LRMDA: variants seen among roughly 807,000 people sequenced by gnomAD.
LRMDA encodes leucine rich melanocyte differentiation associated.
A neutral mutation model predicts 29.8 loss-of-function variants in LRMDA; 18 were observed. The ratio of observed to expected loss-of-function variants is 0.60; its 90% CI spans 0.42 to 0.90. LRMDA has a LOEUF of 0.90. Among genes scored for constraint, LRMDA ranks in the 40% least tolerant of loss-of-function variants. The pLI is 0.00. For synonymous variants in LRMDA, 125 were observed against 109.4 expected (o/e 1.14, Z -0.89); for missense variants, 273 against 273.9 (o/e 1.00, Z 0.02).
At chr10:75,678,082 A>G (rs1025959031) in intron 2 of LRMDA, among the ~76,000 whole-genome samples, 1 of 152,210 alleles carries the variant, frequency 6.6e-6, no homozygotes. Context: ...ACTCATTCAC[A>G]CAGAAATATT....
intron 5 of LRMDA, among the ~76,000 whole-genome samples, chr10:76,298,607 C>T (rs1288013416): frequency 6.6e-6 from 1 of 152,172 alleles, no homozygotes; most frequent in African/African-American, 2.4e-5. Flanking sequence ...CCGTGCAACC[C>T]TAAGAGGCCT....
In LRMDA at chr10:76,530,891, T is replaced by C. The variant is rs1257362676; in HGVS notation, c.602-26318T>C. Among the ~76,000 whole-genome samples the C allele has an allele frequency of 2.6e-5, 4 of 152,318 alleles. No homozygotes were observed. In the East Asian group the frequency reaches 7.7e-4, roughly 29 times the overall value. On this transcript the variant is annotated intron_variant, in intron 6 of 6. Coordinates refer to ENST00000611255, the MANE Select transcript of LRMDA (RefSeq NM_001305581.2). ...GAAGGGCTAAAGGAGATTTTCAGAA[T>C]GTGCCATGCTTCTGGGGACAATTGG...
chr10:76,294,227 A>G (rs1052810004), intron 5 of LRMDA, among the ~76,000 whole-genome samples: 1 of 152,202 alleles, frequency 6.6e-6, no homozygotes. Flanking sequence ...TCCAAGAGCA[A>G]TAGGTTCACT....
chr10:75,826,146 C>T (rs1028623459), intron 2 of LRMDA, among the ~76,000 whole-genome samples: 6 of 152,118 alleles, frequency 3.9e-5, no homozygotes, highest in African/African-American at 1.4e-4. Flanking sequence ...TTGCTTAATC[C>T]TACTGTGATT....
chr10:76,427,863 A>C (rs555896635), intron 6 of LRMDA, among the ~76,000 whole-genome samples: 1 of 152,136 alleles, frequency 6.6e-6, no homozygotes, highest in Admixed American at 6.5e-5. Flanking sequence ...TGAGATAATC[A>C]TGTGGTGTTT....
At chr10:76,059,227 G>A (rs770310589) in intron 5 of LRMDA, among the ~76,000 whole-genome samples, 1 of 152,140 alleles carries the variant, frequency 6.6e-6, no homozygotes, top group Non-Finnish European at 1.5e-5. Context: ...AGGGCTCCAC[G>A]GCCCTCTGAG....
chr10:76,267,060 T>C (rs1267194915), intron 5 of LRMDA, among the ~76,000 whole-genome samples: 1 of 152,104 alleles, frequency 6.6e-6, no homozygotes, highest in Non-Finnish European at 1.5e-5. Context: ...CATGCCTCCT[T>C]CTATAGGGAC....
At chr10:75,814,791 T>G (rs988070426) in intron 2 of LRMDA, among the ~76,000 whole-genome samples, 1 of 152,226 alleles carries the variant, frequency 6.6e-6, no homozygotes, top group Non-Finnish European at 1.5e-5. Flanking sequence ...AGATGCGTGT[T>G]AGAAATGATG....
At chr10:76,019,822 A>C (rs1024274801) in intron 2 of LRMDA, among the ~76,000 whole-genome samples, 14 of 152,336 alleles carry the variant, frequency 9.2e-5, no homozygotes, top group African/African-American at 3.1e-4. Context: ...CTTTTACTGC[A>C]GTAGATATAG....
chr10:75,936,047 G>A (rs371118704), intron 2 of LRMDA, among the ~76,000 whole-genome samples: 2 of 152,068 alleles, frequency 1.3e-5, no homozygotes, highest in East Asian at 3.9e-4. Flanking sequence ...ATAAGTGAGA[G>A]GCAGTGAGCT....
At position 75,894,456 on chromosome 10, in the gene LRMDA, T is replaced by C. The variant is rs1188029708; in HGVS notation, c.132-141552T>C. Among the ~76,000 whole-genome samples the C allele has an allele frequency of 5.9e-5, 9 of 152,216 alleles. No homozygotes were observed. The East Asian group carries it at 1.7e-3, about 29-fold the overall frequency. On this transcript the variant is annotated intron_variant, in intron 2 of 6. Coordinates refer to ENST00000611255, the MANE Select transcript of LRMDA (RefSeq NM_001305581.2). Reference sequence around the variant, plus strand: ...TTGGGCATTTAGGTTGGTTCCATGATTTTGCAATTGTGAATTGTGCTGCTA... The same window carrying C: ...TTGGGCATTTAGGTTGGTTCCATGACTTTGCAATTGTGAATTGTGCTGCTA...
chr10:75,560,147 G>C (rs1589183915), intron 2 of LRMDA, among the ~76,000 whole-genome samples: 1 of 151,520 alleles, frequency 6.6e-6, no homozygotes, highest in Admixed American at 6.6e-5. Flanking sequence ...TCACGATATT[G>C]ATTCTTCCTA....
At chr10:75,807,473 AT>A (rs2132267858) in intron 2 of LRMDA, among the ~76,000 whole-genome samples, 1 of 152,070 alleles carries the variant, frequency 6.6e-6, no homozygotes, top group Non-Finnish European at 1.5e-5. Context: ...GCAAATTATT[AT>A]TTTTCTGTTC....
intron 5 of LRMDA, among the ~76,000 whole-genome samples, chr10:76,251,226 C>CTTTTTTTTTTTTT (rs558637864): frequency 1.4e-5 from 1 of 70,264 alleles, no homozygotes; most frequent in Non-Finnish European, 2.8e-5. Flanking sequence ...CCCGTCGCTT[C>CTTTTTTTTTTTTT]TTTTTTTTTT....
intron 2 of LRMDA, among the ~76,000 whole-genome samples, chr10:75,659,843 C>G (rs1177416997): frequency 6.6e-6 from 1 of 152,150 alleles, no homozygotes; most frequent in African/African-American, 2.4e-5. Flanking sequence ...TTCTCCATCT[C>G]CTTTTTTCTT....
chr10:75,567,385 T>C (rs1840387232), intron 2 of LRMDA, among the ~76,000 whole-genome samples: 1 of 152,252 alleles, frequency 6.6e-6, no homozygotes. Context: ...TGATTACTTT[T>C]AGAATCTGGA....
intron 5 of LRMDA, among the ~76,000 whole-genome samples, chr10:76,246,687 C>T (rs1431615515): frequency 1.3e-5 from 2 of 152,148 alleles, no homozygotes; most frequent in African/African-American, 4.8e-5. Flanking sequence ...ACTGGCATTG[C>T]TCATGTAAAA....
chr10:75,800,368 A>G (rs543100203), intron 2 of LRMDA, among the ~76,000 whole-genome samples: 15 of 151,480 alleles, frequency 9.9e-5, no homozygotes, highest in Non-Finnish European at 7.4e-5. Flanking sequence ...TGGTATTTAT[A>G]TTTTAAATGC....
chr10:75,818,527 C>T (rs1345062416), intron 2 of LRMDA, among the ~76,000 whole-genome samples: 1 of 152,212 alleles, frequency 6.6e-6, no homozygotes, highest in Non-Finnish European at 1.5e-5. Flanking sequence ...TTTAGAATCA[C>T]AGAGTCTCAG....
Sources: allele counts gnomAD v4.1 joint callset (sites outside exome capture counted in the v4.1 genomes callset), GRCh38; gene constraint gnomAD v4.1.1; transcripts MANE v1.5; gene names NCBI Gene and HGNC (gene_info 2026-07-23, HGNC 2026-07-21).